Variants in CDK17 observed in about 807,000 individuals in gnomAD.
CDK17 encodes the protein cyclin-dependent kinase 17.
Under a neutral mutation model 77.6 loss-of-function variants are expected in CDK17, and 24 were observed. The ratio of observed to expected loss-of-function variants is 0.31; its 90% CI spans 0.22 to 0.44. The LOEUF is 0.44. Among genes scored for constraint, CDK17 ranks in the 20% least tolerant of loss-of-function variants. The probability of loss-of-function intolerance (pLI) is 1.00; values close to 1 mark genes in which losing one functional copy is unlikely to be tolerated. For synonymous variants in CDK17, 203 were observed against 210.4 expected (o/e 0.96, Z 0.30); for missense variants, 429 against 622.5 (o/e 0.69, Z 3.31).
chr12:96,283,724 G>A (rs1345556764), intron 13 of CDK17, 79 bp from the exon 14 acceptor site: 63 of 890,980 alleles, frequency 7.1e-5, no homozygotes, highest in Non-Finnish European at 1.8e-5. Flanking sequence ...TTTTCTAAGT[G>A]TTTTAATCTG....
intron 1 of CDK17, among the ~76,000 whole-genome samples, chr12:96,382,227 T>C (rs1038742159): frequency 5.9e-5 from 9 of 151,886 alleles, no homozygotes; most frequent in Non-Finnish European, 1.2e-4. Context: ...AACACCTCTA[T>C]GCACACAAAT....
chr12:96,330,333 A>T (rs971577632), intron 2 of CDK17, among the ~76,000 whole-genome samples: 1 of 152,056 alleles, frequency 6.6e-6, no homozygotes, highest in South Asian at 2.1e-4. Flanking sequence ...AGTGTTTATG[A>T]GGGAAAGCTG....
At chr12:96,367,398 C>G (rs1223159529) in intron 1 of CDK17, among the ~76,000 whole-genome samples, 3 of 143,558 alleles carry the variant, frequency 2.1e-5, no homozygotes. Flanking sequence ...AAATAGTTCT[C>G]AAGTCTGAGG....
chr12:96,360,285 C>T lies in CDK17; in HGVS notation c.-29-25420G>A, dbSNP rs117372620. ...AGCGTAATGGAGGTGGAAGGGTTGA[C>T]GGGAAGAGGCCTGATCATTTGAAAG... is the stretch of plus-strand genomic sequence containing the variant. On this transcript the variant is annotated intron_variant, in intron 1 of 16. Coordinates refer to ENST00000261211, the MANE Select transcript of CDK17 (RefSeq NM_002595.5). Among the ~76,000 whole-genome samples, 456 of 152,238 alleles carry T rather than the reference C, an allele frequency of 3.0e-3. 1 individual carries two copies. Among genetic ancestry groups the T allele is most frequent in the Non-Finnish European group, 5.5e-3 (372 of 68,016 alleles).
chr12:96,373,468 C>T (rs901152991), intron 1 of CDK17, among the ~76,000 whole-genome samples: 2 of 152,058 alleles, frequency 1.3e-5, no homozygotes, highest in Admixed American at 6.6e-5. Flanking sequence ...GTGGCAGGCA[C>T]CTGTAATTGC....
At chr12:96,323,103 C>T (rs1952843691) in intron 3 of CDK17, among the ~76,000 whole-genome samples, 2 of 151,936 alleles carry the variant, frequency 1.3e-5, no homozygotes. Flanking sequence ...TCTAAGAAGA[C>T]TATAAAATAG....
At chr12:96,297,502 G>T in intron 8 of CDK17, 125 bp downstream of exon 8, 2 of 798,626 alleles carry the variant, frequency 2.5e-6, no homozygotes, top group Non-Finnish European at 4.1e-6. Context: ...CTCTTGGGCT[G>T]TTAAAAAGTC....
intron 1 of CDK17, among the ~76,000 whole-genome samples, chr12:96,388,701 T>G (rs1035241655): frequency 5.9e-5 from 9 of 152,198 alleles, no homozygotes; most frequent in Non-Finnish European, 1.0e-4. Context: ...GTTCTTACAT[T>G]GCTATAAAGG....
intron 2 of CDK17, among the ~76,000 whole-genome samples, chr12:96,330,081 A>G (rs943692478): frequency 2.0e-5 from 3 of 152,206 alleles, no homozygotes; most frequent in Admixed American, 1.3e-4. Context: ...AATAAAACAT[A>G]ATTTTACCTT....
At chr12:96,339,204 A>G (rs1953088813) in intron 1 of CDK17, among the ~76,000 whole-genome samples, 1 of 152,210 alleles carries the variant, frequency 6.6e-6, no homozygotes, top group Non-Finnish European at 1.5e-5. Flanking sequence ...ATTCTGTAAC[A>G]CAGAGTAACT....
intron 1 of CDK17, among the ~76,000 whole-genome samples, chr12:96,392,630 G>A (rs769468142): frequency 6.6e-6 from 1 of 152,194 alleles, no homozygotes; most frequent in Non-Finnish European, 1.5e-5. Flanking sequence ...TTTGGCTTAC[G>A]TGACTAGGCT....
Position 96,280,082 on chromosome 12 carries a change from A to C in CDK17, c.*160T>G, listed in dbSNP as rs1952155999. On this transcript the variant is annotated 3_prime_UTR_variant, in exon 17 of 17. Coordinates refer to ENST00000261211, the MANE Select transcript of CDK17 (RefSeq NM_002595.5). ...TTGTCACACTGTGACAACAAATATA[A>C]AAACAATCTGTAGGTCTGAAATAAA... is the stretch of plus-strand genomic sequence containing the variant. 1 of 682,460 alleles carries C rather than the reference A, an allele frequency of 1.5e-6. No homozygotes were observed. Among genetic ancestry groups the C allele is most frequent in the Non-Finnish European group, 2.3e-6 (1 of 438,750 alleles). 42.3% of individuals were successfully genotyped at this position (682,460 alleles called of 1,614,324 possible). A position where few individuals can be genotyped will look rare whatever the true frequency, so the allele number is the denominator to read the frequency against.
intron 5 of CDK17, among the ~76,000 whole-genome samples, chr12:96,303,953 T>C (rs558181144): frequency 6.6e-6 from 1 of 152,198 alleles, no homozygotes; most frequent in Non-Finnish European, 1.5e-5. Flanking sequence ...TTTTTCCCTA[T>C]ACATATTAAA....
intron 1 of CDK17, among the ~76,000 whole-genome samples, chr12:96,368,623 T>C (rs576451989): frequency 3.3e-5 from 5 of 152,246 alleles, no homozygotes; most frequent in East Asian, 1.9e-4. Flanking sequence ...TAAATCTAAG[T>C]AGGAAATATC....
At chr12:96,310,194 A>G (rs1048479772) in intron 5 of CDK17, among the ~76,000 whole-genome samples, 2 of 152,290 alleles carry the variant, frequency 1.3e-5, no homozygotes, top group Middle Eastern at 3.4e-3. Context: ...ACTCACAAAC[A>G]TAACACTGAA....
intron 13 of CDK17, 123 bp from the exon 14 acceptor site, chr12:96,283,768 T>C: frequency 1.6e-6 from 1 of 615,512 alleles, no homozygotes; most frequent in East Asian, 2.9e-5. Context: ...GTCACTCTTG[T>C]TGTCTTCAAA....
At chr12:96,383,074 T>C (rs1222094780) in intron 1 of CDK17, among the ~76,000 whole-genome samples, 1 of 152,150 alleles carries the variant, frequency 6.6e-6, no homozygotes, top group East Asian at 1.9e-4. Flanking sequence ...AGGTTCAGGA[T>C]ACAAAATCAA....
At chr12:96,370,271 G>T (rs1953670296) in intron 1 of CDK17, among the ~76,000 whole-genome samples, 1 of 152,170 alleles carries the variant, frequency 6.6e-6, no homozygotes, top group African/African-American at 2.4e-5. Context: ...GAAGTCTTAT[G>T]AGTTGGTATT....
At chr12:96,282,475 T>C (rs942241599) in intron 15 of CDK17, 34 bp downstream of exon 15, 1 of 1,398,040 alleles carries the variant, frequency 7.2e-7, no homozygotes, top group African/African-American at 1.4e-5. Context: ...CAAATAAAAA[T>C]AAAGCAGGGA....
Sources: allele counts gnomAD v4.1 joint callset (sites outside exome capture counted in the v4.1 genomes callset), GRCh38; gene constraint gnomAD v4.1.1; transcripts MANE v1.5; gene names NCBI Gene and HGNC (gene_info 2026-07-23, HGNC 2026-07-21).